Variants in DPF3 observed in about 807,000 individuals in gnomAD.
DPF3 encodes double PHD fingers 3, also known as zinc finger protein DPF3.
DPF3 carries 18 observed loss-of-function variants against 56.8 expected under a neutral mutation model. The ratio of observed to expected loss-of-function variants is 0.32; its 90% confidence interval spans 0.22 to 0.47. The LOEUF (loss-of-function observed/expected upper bound fraction) is 0.47, where lower values mean the gene tolerates loss of function less well. Among genes scored for constraint, DPF3 ranks in the 20% least tolerant of loss-of-function variants. The probability of loss-of-function intolerance (pLI) is 1.00; values close to 1 mark genes in which losing one functional copy is unlikely to be tolerated. For synonymous variants in DPF3, 188 were observed against 180.2 expected, an observed-to-expected ratio of 1.04 and a Z score of -0.35; for missense variants, 403 against 488.8, an observed-to-expected ratio of 0.82 and a Z score of 1.65.
chr14:72,688,161 G>C (rs1315164077), intron 7 of DPF3, among the ~76,000 whole-genome samples: 1 of 112,388 alleles, frequency 8.9e-6, no homozygotes, highest in Non-Finnish European at 1.8e-5. Flanking sequence ...ATGATGGATG[G>C]ATGGATGGAT....
intron 3 of DPF3, among the ~76,000 whole-genome samples, chr14:72,744,223 G>A (rs371026682): frequency 6.6e-5 from 10 of 152,280 alleles, no homozygotes; most frequent in African/African-American, 2.2e-4. Context: ...AGTCACTCCA[G>A]GAGGGAATAA....
At chr14:72,659,559 C>A (rs1432904703) in intron 8 of DPF3, among the ~76,000 whole-genome samples, 1 of 152,146 alleles carries the variant, frequency 6.6e-6, no homozygotes, top group Non-Finnish European at 1.5e-5. Flanking sequence ...CTGTGAGCAG[C>A]CCAAAGATAG....
intron 2 of DPF3, among the ~76,000 whole-genome samples, chr14:72,768,225 A>C (rs905245601): frequency 1.3e-5 from 2 of 152,226 alleles, no homozygotes; most frequent in Non-Finnish European, 2.9e-5. Context: ...ACAACGAAGG[A>C]GTAAAAATAT....
intron 7 of DPF3, among the ~76,000 whole-genome samples, chr14:72,684,478 T>C (rs183678364): frequency 2.0e-5 from 3 of 147,878 alleles, no homozygotes; most frequent in African/African-American, 7.6e-5. Context: ...CAAGGATGAA[T>C]CCTAATATTT....
chr14:72,621,453 T>C (rs910904908), intron 9 of DPF3, among the ~76,000 whole-genome samples: 2 of 152,204 alleles, frequency 1.3e-5, no homozygotes, highest in African/African-American at 4.8e-5. Context: ...CCCCCACCAG[T>C]GCAGAAATCC....
At chr14:72,794,775 C>G (rs924079795) in intron 1 of DPF3, among the ~76,000 whole-genome samples, 6 of 152,126 alleles carry the variant, frequency 3.9e-5, no homozygotes, top group African/African-American at 1.4e-4. Flanking sequence ...TTCTAGAGGT[C>G]AGAAATCCAA....
chr14:72,880,097 C>T, intron 1 of DPF3: 1 of 813,862 alleles, frequency 1.2e-6, no homozygotes, highest in Non-Finnish European at 1.8e-6. Context: ...ACTAGCAGAA[C>T]TAAAGGGATG....
chr14:72,704,416 T>G (rs949093614), intron 6 of DPF3, among the ~76,000 whole-genome samples: 10 of 152,184 alleles, frequency 6.6e-5, no homozygotes, highest in African/African-American at 2.4e-4. Context: ...CCTGCTAGCA[T>G]CCTCTCTCTC....
intron 7 of DPF3, among the ~76,000 whole-genome samples, chr14:72,683,533 T>C (rs201369810): frequency 6.6e-6 from 1 of 152,038 alleles, no homozygotes; most frequent in East Asian, 1.9e-4. Flanking sequence ...GCCTATGAGA[T>C]AGATGCCATT....
chr14:72,889,748 C>A lies in DPF3; in HGVS notation c.32+4309G>T, dbSNP rs147266739. On this transcript the variant is annotated intron_variant, in intron 1 of 10. Coordinates refer to ENST00000556509, the MANE Select transcript of DPF3 (RefSeq NM_001280542.3). ...TCTAGATTTGACGTTCATCTACACACATGACCTGCTGTTTGACTTGGCTAA... is the reference window on the plus strand; with the variant it reads ...TCTAGATTTGACGTTCATCTACACAAATGACCTGCTGTTTGACTTGGCTAA... 4.5e-4 allele frequency among the ~76,000 whole-genome samples: 68 copies of A among 152,368 alleles called. No individual in the cohort carries two copies. In the East Asian group the frequency reaches 0.011, roughly 25 times the overall value.
intron 1 of DPF3, among the ~76,000 whole-genome samples, chr14:72,887,269 G>A (rs1168737154): frequency 2.0e-5 from 3 of 151,794 alleles, no homozygotes; most frequent in African/African-American, 7.3e-5. Context: ...GCTTATCCAC[G>A]TCAAAATAGG....
chr14:72,768,044 T>A (rs1363569513), intron 2 of DPF3, among the ~76,000 whole-genome samples: 2 of 152,154 alleles, frequency 1.3e-5, no homozygotes, highest in Non-Finnish European at 2.9e-5. Context: ...GAATTTTATA[T>A]CCAGCAAAAA....
At chr14:72,804,796 C>A (rs1007642083) in intron 1 of DPF3, among the ~76,000 whole-genome samples, 3 of 152,054 alleles carry the variant, frequency 2.0e-5, no homozygotes, top group Non-Finnish European at 4.4e-5. Context: ...AACTACTTTC[C>A]AGGGACGTTG....
intron 4 of DPF3, among the ~76,000 whole-genome samples, chr14:72,724,785 T>G (rs1441160303): frequency 6.7e-6 from 1 of 150,218 alleles, no homozygotes; most frequent in East Asian, 2.0e-4. Flanking sequence ...CACGGCTCAA[T>G]GCAGCCTCAA....
In DPF3 at chr14:72,610,724, T is replaced by C. The variant is rs1481553014; in HGVS notation, c.*8573A>G. 1.3e-5 allele frequency among the ~76,000 whole-genome samples: 2 copies of C among 152,170 alleles called. No homozygotes were observed. Among genetic ancestry groups the C allele is most frequent in the East Asian group, 1.9e-4 (1 of 5,190 alleles). ...AGCGCGCTCAAGGGCAGGTGGGAGATGGAGCCTTCTCAGAGCTCAGCCACT... is the reference window on the plus strand; with the variant it reads ...AGCGCGCTCAAGGGCAGGTGGGAGACGGAGCCTTCTCAGAGCTCAGCCACT... On this transcript the variant is annotated 3_prime_UTR_variant, in exon 11 of 11. Transcript: ENST00000556509.
chr14:72,708,487 G>A (rs989671027), intron 6 of DPF3, among the ~76,000 whole-genome samples: 5 of 152,076 alleles, frequency 3.3e-5, no homozygotes, highest in Admixed American at 6.5e-5. Flanking sequence ...CTTCCCTTCC[G>A]CGACAAAGGC....
intron 1 of DPF3, among the ~76,000 whole-genome samples, chr14:72,807,734 C>T (rs1014039960): frequency 1.3e-5 from 2 of 152,120 alleles, no homozygotes; most frequent in South Asian, 2.1e-4. Flanking sequence ...TACAAGGTAC[C>T]GCCAAGAGAC....
chr14:72,634,469 C>T (rs1285138545), intron 8 of DPF3, among the ~76,000 whole-genome samples: 2 of 152,050 alleles, frequency 1.3e-5, no homozygotes, highest in Non-Finnish European at 2.9e-5. Context: ...CTTACTTTTG[C>T]CCAGAACTAA....
rs947280984 is a variant in DPF3, at chr14:72,827,489, T to C, written c.33-55596A>G. On this transcript the variant is annotated intron_variant, in intron 1 of 10. Coordinates refer to ENST00000556509, the MANE Select transcript of DPF3 (RefSeq NM_001280542.3). Reference sequence around the variant, plus strand: ...TACTCAACAACCATTCCCTTTACTCTTTTTTTTTTTTTTTTTTTTTTTTTT... The same window carrying C: ...TACTCAACAACCATTCCCTTTACTCCTTTTTTTTTTTTTTTTTTTTTTTTT... Among the ~76,000 whole-genome samples the C allele has an allele frequency of 7.7e-5, 3 of 38,974 alleles. No homozygotes were observed. The East Asian group carries it at 9.9e-4, about 13-fold the overall frequency. The allele number at this position is 38,974 out of a possible 152,430, so 25.6% of individuals were successfully genotyped here.
Sources: gnomAD v4.1 joint callset for allele counts (sites outside exome capture counted in the v4.1 genomes callset) on GRCh38, gnomAD v4.1.1 for gene constraint, MANE v1.5 for transcripts, NCBI Gene and HGNC (gene_info 2026-07-23, HGNC 2026-07-21) for gene names.